The following PPM1E variants were observed in gnomAD, a reference collection of about 807,000 sequenced individuals.
PPM1E encodes the protein protein phosphatase 1E.
In PPM1E, 20 loss-of-function variants were observed where a neutral mutation model predicts 65.9. The ratio of observed to expected loss-of-function variants is 0.30; its 90% CI spans 0.21 to 0.44. PPM1E has a LOEUF of 0.44. Ranked by LOEUF, PPM1E falls within the 20% of genes least tolerant of loss-of-function variation. PPM1E has a pLI of 1.00. For synonymous variants in PPM1E, 352 were observed against 374.9 expected, an observed-to-expected ratio of 0.94 and a Z score of 0.70; for missense variants, 713 against 953.1, an observed-to-expected ratio of 0.75 and a Z score of 3.32.
intron 1 of PPM1E, among the ~76,000 whole-genome samples, chr17:58,909,840 T>A (rs1006196393): frequency 2.0e-5 from 3 of 151,892 alleles, no homozygotes; most frequent in African/African-American, 7.2e-5. Flanking sequence ...GATTTCTGGG[T>A]CTGTGATTTG....
chr17:58,911,061 T>C (rs1458244109), intron 1 of PPM1E, among the ~76,000 whole-genome samples: 1 of 152,172 alleles, frequency 6.6e-6, no homozygotes, highest in Non-Finnish European at 1.5e-5. Flanking sequence ...ATCAGACTTC[T>C]ACACCTAGTC....
At chr17:58,966,154 T>C (rs530021392) in intron 3 of PPM1E, 141 of 483,324 alleles carry the variant, frequency 2.9e-4, no homozygotes, top group Admixed American at 8.5e-4. Context: ...CTCAGTTCCC[T>C]TCCATGGAGG....
chr17:58,783,358 T>C (rs2050067407), intron 1 of PPM1E, among the ~76,000 whole-genome samples: 1 of 152,218 alleles, frequency 6.6e-6, no homozygotes, highest in African/African-American at 2.4e-5. Context: ...ATAAATAGCC[T>C]AATAGGAGCA....
intron 1 of PPM1E, among the ~76,000 whole-genome samples, chr17:58,799,894 G>A (rs1444801807): frequency 1.3e-5 from 2 of 152,166 alleles, no homozygotes; most frequent in Non-Finnish European, 2.9e-5. Context: ...ATTAAGTCTT[G>A]AAATTAGGTA....
At chr17:58,930,164 G>A (rs1291039954) in intron 1 of PPM1E, among the ~76,000 whole-genome samples, 3 of 151,860 alleles carry the variant, frequency 2.0e-5, no homozygotes, top group Admixed American at 2.0e-4. Context: ...GGGAGGCTGA[G>A]GCAAGTGGAT....
In PPM1E at chr17:58,965,914, G is replaced by A. The variant is rs149967345; in HGVS notation, c.783+21G>A. On this transcript the variant is annotated intron_variant, in intron 3 of 6. Coordinates refer to ENST00000308249, the MANE Select transcript of PPM1E (RefSeq NM_014906.5). ...TAGAGGTAAAGGGCACTTTCGGAGA[G>A]TCAGTGAGATTTTAAAGACAAAACA... 3.7e-6 allele frequency: 6 copies of A among 1,609,046 alleles called. No homozygotes were observed. In the African/African-American group the frequency reaches 8.0e-5, roughly 21 times the overall value.
chr17:58,818,885 G>A (rs921012309), intron 1 of PPM1E, among the ~76,000 whole-genome samples: 2 of 152,182 alleles, frequency 1.3e-5, no homozygotes, highest in African/African-American at 2.4e-5. Flanking sequence ...GCTGGTAGCT[G>A]CAACTAAGTC....
intron 1 of PPM1E, among the ~76,000 whole-genome samples, chr17:58,922,441 A>AC: frequency 6.6e-6 from 1 of 151,564 alleles, no homozygotes; most frequent in Admixed American, 6.6e-5. Flanking sequence ...TTTTGTAGAG[A>AC]TGGGATATTG....
intron 1 of PPM1E, among the ~76,000 whole-genome samples, chr17:58,760,415 T>C (rs1418942371): frequency 1.3e-5 from 2 of 152,174 alleles, no homozygotes; most frequent in African/African-American, 4.8e-5. Flanking sequence ...GGTCCATCCC[T>C]GACTTCTCCT....
chr17:58,810,332 G>A (rs1246080299), intron 1 of PPM1E, among the ~76,000 whole-genome samples: 2 of 151,668 alleles, frequency 1.3e-5, no homozygotes, highest in East Asian at 1.9e-4. Context: ...TCAGCCTCCC[G>A]AGTAGCTGGG....
intron 1 of PPM1E, among the ~76,000 whole-genome samples, chr17:58,912,202 G>C (rs1330478129): frequency 6.6e-6 from 1 of 152,146 alleles, no homozygotes; most frequent in Non-Finnish European, 1.5e-5. Flanking sequence ...GGGCAAGTCA[G>C]GGCACAACAA....
intron 1 of PPM1E, among the ~76,000 whole-genome samples, chr17:58,920,810 G>A (rs1247831716): frequency 2.0e-5 from 3 of 152,160 alleles, no homozygotes. Flanking sequence ...AATACATAAA[G>A]ATATGAGACA....
intron 1 of PPM1E, chr17:58,836,003 G>A (rs561540739): frequency 6.6e-6 from 1 of 152,106 alleles, no homozygotes; most frequent in Non-Finnish European, 1.5e-5. Context: ...TAAAAAAAAT[G>A]GGGAAACTGA....
intron 1 of PPM1E, among the ~76,000 whole-genome samples, chr17:58,927,648 T>C (rs957772814): frequency 5.3e-5 from 8 of 152,124 alleles, no homozygotes; most frequent in African/African-American, 1.9e-4. Flanking sequence ...GTTGGCTCAC[T>C]CCTGTAATCC....
Position 58,980,836 on chromosome 17 carries a change from C to G in PPM1E, c.2073C>G (p.Leu691=), listed in dbSNP as rs2031314326. ...FRFNPKFYSF[L]SAQEPSHKIG... ...TTAATCCAAAGTTTTATTCATTTCTCTCTGCTCAAGAGCCTTCCCACAAAA... is the reference window on the plus strand; with the variant it reads ...TTAATCCAAAGTTTTATTCATTTCTGTCTGCTCAAGAGCCTTCCCACAAAA... The change falls in exon 7 of 7, where the codon CTC becomes CTG. Residue 691 remains leucine (L), a synonymous_variant. Coordinates refer to ENST00000308249, the MANE Select transcript of PPM1E (RefSeq NM_014906.5). The surrounding 1 kb of genome is among the most constrained non-coding windows in gnomAD (Gnocchi z 4.7). 1 of 1,614,208 alleles carries G rather than the reference C, an allele frequency of 6.2e-7. No individual in the cohort carries two copies. Among genetic ancestry groups the G allele is most frequent in the Non-Finnish European group, 8.5e-7 (1 of 1,180,016 alleles).
chr17:58,822,608 C>T (rs982149203), intron 1 of PPM1E, among the ~76,000 whole-genome samples: 17 of 152,028 alleles, frequency 1.1e-4, no homozygotes, highest in Admixed American at 2.6e-4. Flanking sequence ...CATTGCCAAA[C>T]GTGTAGCCCA....
intron 1 of PPM1E, among the ~76,000 whole-genome samples, chr17:58,808,838 AACC>A (rs1443250347): frequency 6.6e-6 from 1 of 152,120 alleles, no homozygotes; most frequent in Admixed American, 6.6e-5. Context: ...AGCCCGAGGA[AACC>A]ACCATGTAGT....
intron 1 of PPM1E, among the ~76,000 whole-genome samples, chr17:58,924,871 T>C (rs2051804671): frequency 6.6e-6 from 1 of 152,114 alleles, no homozygotes; most frequent in African/African-American, 2.4e-5. Context: ...GATGATGGTG[T>C]CCAGCTTCAT....
chr17:58,760,759 C>G (rs1567825657), intron 1 of PPM1E, among the ~76,000 whole-genome samples: 1 of 152,208 alleles, frequency 6.6e-6, no homozygotes, highest in Admixed American at 6.5e-5. Flanking sequence ...AACCTCACTT[C>G]TAACATCAAC....
Sources: allele counts gnomAD v4.1 joint callset (sites outside exome capture counted in the v4.1 genomes callset), GRCh38; gene constraint gnomAD v4.1.1; non-coding constraint Gnocchi (gnomAD v3.1); transcripts MANE v1.5; gene names NCBI Gene and HGNC (gene_info 2026-07-23, HGNC 2026-07-21).